The following ZRANB3 variants were observed in gnomAD, a reference collection of about 807,000 sequenced individuals.
ZRANB3 encodes the protein DNA annealing helicase and endonuclease ZRANB3.
A neutral mutation model predicts 133.8 loss-of-function variants in ZRANB3; 125 were observed. The ratio of observed to expected loss-of-function variants is 0.93; its 90% CI spans 0.81 to 1.08. The LOEUF is 1.08. Ranked by LOEUF, ZRANB3 falls within the 50% of genes least tolerant of loss-of-function variation. The pLI is 0.00. For synonymous variants in ZRANB3, 387 were observed against 432.7 expected (o/e 0.89, Z 1.31); for missense variants, 1,229 against 1,275.5 (o/e 0.96, Z 0.56).
chr2:135,230,997 T>A (rs1694988950), intron 12 of ZRANB3, 70 bp from the exon 13 acceptor site: 1 of 1,397,078 alleles, frequency 7.2e-7, no homozygotes. Context: ...TAAAAGAGCT[T>A]AACAAAATAT....
chr2:135,216,327 T>C lies in ZRANB3; in HGVS notation c.2495+1138A>G, dbSNP rs936286942. 2.4e-4 allele frequency among the ~76,000 whole-genome samples: 37 copies of C among 152,302 alleles called. No individual in the cohort carries two copies. The South Asian group carries it at 4.1e-3, about 17-fold the overall frequency. On this transcript the variant is annotated intron_variant, in intron 17 of 20. Transcript: ENST00000264159. ...AAAAGCTAGAGAAAGGAAACCTCTC[T>C]GATAAACTGATGAAATATAAGGATG...
chr2:135,482,612 T>A (rs1393491526), intron 2 of ZRANB3, among the ~76,000 whole-genome samples: 26 of 152,164 alleles, frequency 1.7e-4, no homozygotes, highest in Admixed American at 1.7e-3. Context: ...CTTTATTTCC[T>A]TCTCCTGCCT....
chr2:135,404,483 C>T (rs1020848533), intron 2 of ZRANB3, among the ~76,000 whole-genome samples: 1 of 152,124 alleles, frequency 6.6e-6, no homozygotes, highest in Admixed American at 6.5e-5. Context: ...GATTGGTGTA[C>T]CTCAAAGTGA....
At chr2:135,316,935 C>T (rs905213169) in intron 6 of ZRANB3, among the ~76,000 whole-genome samples, 14 of 144,894 alleles carry the variant, frequency 9.7e-5, no homozygotes, top group Non-Finnish European at 1.9e-4. Flanking sequence ...CACTGCACTC[C>T]AGCCTGGTGA....
chr2:135,330,406 G>C (rs1393193588), intron 6 of ZRANB3, among the ~76,000 whole-genome samples: 2 of 152,128 alleles, frequency 1.3e-5, no homozygotes, highest in Non-Finnish European at 2.9e-5. Flanking sequence ...GGATGAAGCT[G>C]ACTTGATCGT....
At chr2:135,363,848 T>C (rs1323964241) in intron 3 of ZRANB3, among the ~76,000 whole-genome samples, 1 of 152,062 alleles carries the variant, frequency 6.6e-6, no homozygotes. Context: ...GGCTGATATG[T>C]GAGGATTGTC....
At chr2:135,417,661 C>G (rs1033706849) in intron 2 of ZRANB3, among the ~76,000 whole-genome samples, 18 of 152,164 alleles carry the variant, frequency 1.2e-4, no homozygotes, top group African/African-American at 4.3e-4. Flanking sequence ...CACATGCACA[C>G]GTATGTTTAC....
chr2:135,413,816 A>G (rs4419271), intron 2 of ZRANB3, among the ~76,000 whole-genome samples: 15,599 of 152,132 alleles, frequency 0.1, 1,057 homozygotes, highest in South Asian at 0.32. Context: ...ATTCTTAAAG[A>G]AAAGAATTTT....
intron 2 of ZRANB3, among the ~76,000 whole-genome samples, chr2:135,409,734 C>A: frequency 6.6e-6 from 1 of 152,142 alleles, no homozygotes. Context: ...CCCTAAAGAT[C>A]CTTCCAAAAG....
At chr2:135,305,637 C>A (rs573304996) in intron 8 of ZRANB3, among the ~76,000 whole-genome samples, 4 of 152,082 alleles carry the variant, frequency 2.6e-5, no homozygotes, top group East Asian at 1.9e-4. Flanking sequence ...ACATTTGAGT[C>A]CTTTCTTTTC....
intron 8 of ZRANB3, among the ~76,000 whole-genome samples, chr2:135,306,135 A>G (rs1415433233): frequency 6.6e-6 from 1 of 152,142 alleles, no homozygotes; most frequent in Non-Finnish European, 1.5e-5. Flanking sequence ...TAGACTTGGG[A>G]AGTTTTAAAC....
At chr2:135,525,826 C>T (rs1167718430) in intron 1 of ZRANB3, among the ~76,000 whole-genome samples, 1 of 113,404 alleles carries the variant, frequency 8.8e-6, no homozygotes, top group African/African-American at 3.4e-5. Flanking sequence ...CTGGCCTGGG[C>T]AACAAGAGCA....
chr2:135,440,659 G>A (rs972171951), intron 2 of ZRANB3, among the ~76,000 whole-genome samples: 3 of 152,094 alleles, frequency 2.0e-5, no homozygotes, highest in Admixed American at 1.3e-4. Flanking sequence ...GAAGGAGCTT[G>A]GAAACAGATT....
At chr2:135,239,778 G>C (rs914323186) in intron 12 of ZRANB3, among the ~76,000 whole-genome samples, 1 of 151,856 alleles carries the variant, frequency 6.6e-6, no homozygotes, top group African/African-American at 2.4e-5. Flanking sequence ...CACGAGGTCA[G>C]GAGTTTGAGA....
At chr2:135,348,983 A>G in intron 5 of ZRANB3, among the ~76,000 whole-genome samples, 1 of 152,166 alleles carries the variant, frequency 6.6e-6, no homozygotes, top group Non-Finnish European at 1.5e-5. Context: ...ATTCATTGAC[A>G]TAATTTGTGG....
intron 8 of ZRANB3, among the ~76,000 whole-genome samples, chr2:135,300,908 G>A (rs1682394700): frequency 6.6e-6 from 1 of 152,140 alleles, no homozygotes; most frequent in South Asian, 2.1e-4. Flanking sequence ...GTACCTGACT[G>A]CTAAGAACCT....
At chr2:135,354,028 T>C (rs1358184166) in intron 3 of ZRANB3, among the ~76,000 whole-genome samples, 1 of 152,150 alleles carries the variant, frequency 6.6e-6, no homozygotes, top group Non-Finnish European at 1.5e-5. Flanking sequence ...CAAAATAATT[T>C]TCCAATGTAA....
chr2:135,431,879 T>C (rs545845269), intron 2 of ZRANB3, among the ~76,000 whole-genome samples: 2 of 152,244 alleles, frequency 1.3e-5, no homozygotes, highest in East Asian at 1.9e-4. Flanking sequence ...ATATACCAAA[T>C]TTAAATAGTT....
chr2:135,366,834 C>T (rs1338094517), intron 3 of ZRANB3, among the ~76,000 whole-genome samples: 3 of 151,820 alleles, frequency 2.0e-5, no homozygotes, highest in Non-Finnish European at 1.5e-5. Context: ...CTGTCTAACA[C>T]AGTGAAACCT....
Sources: allele counts gnomAD v4.1 joint callset (sites outside exome capture counted in the v4.1 genomes callset), GRCh38; gene constraint gnomAD v4.1.1; transcripts MANE v1.5; gene names NCBI Gene and HGNC (gene_info 2026-07-23, HGNC 2026-07-21).